ZNF883: variants seen among roughly 807,000 people sequenced by gnomAD.
The protein encoded by ZNF883 is zinc finger protein 883.
intron 1 of ZNF883, among the ~76,000 whole-genome samples, chr9:112,989,305 T>C (rs1006024002): frequency 2.0e-5 from 3 of 152,190 alleles, no homozygotes; most frequent in African/African-American, 7.2e-5. Context: ...TTGTATAAGG[T>C]GTAGGGAAGG....
downstream of ZNF883, among the ~76,000 whole-genome samples, chr9:112,994,628 AT>A (rs1828331452): frequency 1.3e-5 from 2 of 151,968 alleles, no homozygotes; most frequent in African/African-American, 4.8e-5. Context: ...AATATTCTAT[AT>A]TTTTTAGAAA....
exon 1 of ZNF883, chr9:112,997,210 T>C: frequency 2.5e-6 from 4 of 1,613,968 alleles, no homozygotes; most frequent in Non-Finnish European, 3.4e-6. Context: ...ACTTAGTACA[T>C]TGATAGGGTC....
chr9:113,004,320 A>C (rs1486618742), intron 2 of ZNF883, among the ~76,000 whole-genome samples: 3 of 152,178 alleles, frequency 2.0e-5, no homozygotes, highest in African/African-American at 7.2e-5. Context: ...TAAGTTACCC[A>C]ATTTGTGGCA....
downstream of ZNF883, among the ~76,000 whole-genome samples, chr9:112,996,017 C>T (rs1349493141): frequency 6.6e-6 from 1 of 151,696 alleles, no homozygotes; most frequent in Admixed American, 6.6e-5. Context: ...ATTCTTTTTC[C>T]TTTCTGAATT....
At chr9:113,006,243 G>C (rs1251953537) in intron 2 of ZNF883, among the ~76,000 whole-genome samples, 1 of 152,046 alleles carries the variant, frequency 6.6e-6, no homozygotes, top group Admixed American at 6.6e-5. Flanking sequence ...AATTGCCATG[G>C]CAATGCCCAA....
At chr9:112,997,366 ACATT>A (rs1828371968) in exon 1 of ZNF883, 1 of 1,613,880 alleles carries the variant, frequency 6.2e-7, no homozygotes, top group African/African-American at 1.3e-5. Flanking sequence ...ACAGTTTCTG[ACATT>A]CATTACATTG....
rs1406212203 is a variant in ZNF883, at chr9:113,003,534, A to G, written n.166-1461T>C. 2.6e-5 allele frequency among the ~76,000 whole-genome samples: 4 copies of G among 151,976 alleles called. No homozygotes were observed. The East Asian group carries it at 7.7e-4, about 29-fold the overall frequency. On this transcript the variant is annotated intron_variant and non_coding_transcript_variant, in intron 2 of 4. Transcript: ENST00000638622. ...AGAAGCTTATCTCTTAAAAATGAGT[A>G]TAGGGGCTTATGTGACTTAAGCGGT...
At chr9:112,996,200 A>G (rs2118605560), downstream of ZNF883, among the ~76,000 whole-genome samples, 1 of 152,280 alleles carries the variant, frequency 6.6e-6, no homozygotes. Flanking sequence ...ATTGCACTGA[A>G]AAAAATTAGG....
chr9:112,993,286 T>TG (rs1196555143), downstream of ZNF883, among the ~76,000 whole-genome samples: 1 of 152,262 alleles, frequency 6.6e-6, no homozygotes, highest in African/African-American at 2.4e-5. Context: ...ATACTGTTGT[T>TG]GCTGTTGCTG....
At chr9:112,991,784 T>G (rs988043398) in intron 1 of ZNF883, among the ~76,000 whole-genome samples, 1 of 152,238 alleles carries the variant, frequency 6.6e-6, no homozygotes, top group African/African-American at 2.4e-5. Context: ...TGCATATATA[T>G]TTAGAATAGT....
chr9:112,996,646 C>A (rs1348228199), downstream of ZNF883, among the ~76,000 whole-genome samples: 1 of 150,080 alleles, frequency 6.7e-6, no homozygotes. Context: ...AAAAAATTAG[C>A]CGGGCGTGGT....
intron 1 of ZNF883, among the ~76,000 whole-genome samples, chr9:112,989,008 C>T (rs991272515): frequency 6.6e-5 from 10 of 151,890 alleles, no homozygotes; most frequent in Non-Finnish European, 1.3e-4. Flanking sequence ...GTTTAGGTTC[C>T]TTGTAGACTC....
At chr9:112,998,002 C>G in exon 1 of ZNF883, 4 of 1,612,938 alleles carry the variant, frequency 2.5e-6, no homozygotes, top group Middle Eastern at 3.3e-4. Flanking sequence ...CTCTTTGATG[C>G]TGAATAAGAT....
upstream of ZNF883, chr9:113,002,101 T>A (rs1369044705): frequency 1.3e-5 from 2 of 152,180 alleles, no homozygotes; most frequent in Admixed American, 1.3e-4. Context: ...TACCTGCTCA[T>A]TAAAGGATCA....
chr9:112,993,833 C>A (rs981579593), downstream of ZNF883, among the ~76,000 whole-genome samples: 20 of 152,224 alleles, frequency 1.3e-4, no homozygotes, highest in Admixed American at 1.2e-3. Context: ...CTGGTTATAA[C>A]CTTTTATAGC....
At chr9:112,991,414 T>C (rs544673537) in intron 1 of ZNF883, among the ~76,000 whole-genome samples, 1 of 152,326 alleles carries the variant, frequency 6.6e-6, no homozygotes, top group East Asian at 1.9e-4. Context: ...TTCTTAATCT[T>C]GTGTTCTAAT....
downstream of ZNF883, among the ~76,000 whole-genome samples, chr9:112,995,287 C>CTT (rs1564331452): frequency 2.0e-5 from 3 of 152,150 alleles, no homozygotes; most frequent in Admixed American, 2.0e-4. Flanking sequence ...CAAACTGGAA[C>CTT]TTACACCTTC....
upstream of ZNF883, chr9:112,998,901 A>C (rs933590251): frequency 2.0e-5 from 3 of 152,320 alleles, no homozygotes; most frequent in East Asian, 5.8e-4. Context: ...AAGTTGTTAT[A>C]TTCATGATCA....
chr9:113,002,157 A>G (rs1828431578), upstream of ZNF883: 2 of 152,226 alleles, frequency 1.3e-5, no homozygotes, highest in Non-Finnish European at 2.9e-5. Context: ...AACAATTAAA[A>G]ATGACAAAGT....
Sources: allele counts gnomAD v4.1 joint callset (sites outside exome capture counted in the v4.1 genomes callset), GRCh38; gene constraint gnomAD v4.1.1; transcripts MANE v1.5; gene names NCBI Gene and HGNC (gene_info 2026-07-23, HGNC 2026-07-21).